The following MORC1 variants were observed in gnomAD, a reference collection of about 807,000 sequenced individuals.
MORC1 encodes MORC family CW-type zinc finger protein 1.
In MORC1, 59 loss-of-function variants were observed where a neutral mutation model predicts 134.9. That is an observed-to-expected ratio of 0.44 (90% CI 0.35 to 0.54). MORC1 has a LOEUF of 0.54. Among genes scored for constraint, MORC1 ranks in the 20% least tolerant of loss-of-function variants. The probability of loss-of-function intolerance (pLI) is 0.00; values close to 1 mark genes in which losing one functional copy is unlikely to be tolerated. For missense variants in MORC1, 947 were observed against 1,134.5 expected, an observed-to-expected ratio of 0.83 and a Z score of 2.37; for synonymous variants, 395 against 391.7, an observed-to-expected ratio of 1.01 and a Z score of -0.10.
At chr3:109,035,580 T>C (rs1949361728) in intron 14 of MORC1, 112 bp from the exon 15 acceptor site, 9 of 591,272 alleles carry the variant, frequency 1.5e-5, no homozygotes, top group Non-Finnish European at 1.4e-5. Flanking sequence ...TAAGTATTAA[T>C]ACATATACAG....
chr3:109,103,954 G>C, intron 3 of MORC1, 37 bp from the exon 4 acceptor site: 1 of 1,560,244 alleles, frequency 6.4e-7, no homozygotes, highest in Non-Finnish European at 8.8e-7. Context: ...TAAATATCGG[G>C]CTTAATTTGT....
At chr3:109,024,063 A>C (rs997482105) in intron 17 of MORC1, among the ~76,000 whole-genome samples, 1 of 152,234 alleles carries the variant, frequency 6.6e-6, no homozygotes, top group Non-Finnish European at 1.5e-5. Context: ...TTTAGTCTAT[A>C]AAATGCACCA....
intron 21 of MORC1, among the ~76,000 whole-genome samples, chr3:108,991,384 C>G (rs969012802): frequency 6.6e-6 from 1 of 152,124 alleles, no homozygotes; most frequent in Non-Finnish European, 1.5e-5. Flanking sequence ...GCAAGATTGC[C>G]TGATGGGTTG....
Position 108,996,286 on chromosome 3 carries a change from G to GCACACACACACACACACACACACACA in MORC1, c.2187+4270_2187+4271insTGTGTGTGTGTGTGTGTGTGTGTGTG, listed in dbSNP as rs66629906. On this transcript the variant is annotated intron_variant, in intron 21 of 27. Transcript: ENST00000232603. ...CATGTGCGCGTGCGTGCGCGCGCGCGCACACACACACACACACACACAACT... is the reference window on the plus strand; with the variant it reads ...CATGTGCGCGTGCGTGCGCGCGCGCGCACACACACACACACACACACACACACACACACACACACACACACACAACT... Among the ~76,000 whole-genome samples, 30 of 146,456 alleles carry GCACACACACACACACACACACACACA rather than the reference G, an allele frequency of 2.0e-4. 1 individual carries two copies. Among genetic ancestry groups the GCACACACACACACACACACACACACA allele is most frequent in the African/African-American group, 7.1e-4 (28 of 39,286 alleles).
At position 109,093,498 on chromosome 3, in the gene MORC1, T is replaced by C; in HGVS notation, c.627A>G (p.Gly209=). The C allele has an allele frequency of 6.2e-7, 1 of 1,613,860 alleles. No homozygotes were observed. Among genetic ancestry groups the C allele is most frequent in the Non-Finnish European group, 8.5e-7 (1 of 1,179,812 alleles). ...CAGTTTTAACATCCAACTCTGGTTCTCCATTAAGCAGAAGCTTCAAGTTAT... is the reference window on the plus strand; with the variant it reads ...CAGTTTTAACATCCAACTCTGGTTCCCCATTAAGCAGAAGCTTCAAGTTAT... ...VIYNLKLLLN[G]EPELDVKTDK... is the part of the protein sequence containing the mutation. Residue 209 remains glycine (G), a synonymous_variant, in exon 8 of 28, where the codon GGA becomes GGG. Coordinates refer to ENST00000232603, the MANE Select transcript of MORC1 (RefSeq NM_014429.4).
intron 18 of MORC1, among the ~76,000 whole-genome samples, chr3:109,006,504 TAAG>T (rs1382650544): frequency 1.3e-5 from 2 of 152,308 alleles, no homozygotes; most frequent in Middle Eastern, 3.4e-3. Context: ...GTCTGCCTGT[TAAG>T]AAATGTGAAT....
rs1032987873 is a variant in MORC1 at position 109,049,123 on chromosome 3, T to C, written c.1330+5605A>G. ...TTCTCACCTTTTAATATTTGCTTCA[T>C]CACTCGACGTGTATCCTTAGCAAAG... is the stretch of plus-strand genomic sequence containing the variant. On this transcript the variant is annotated intron_variant, in intron 14 of 27. Transcript: ENST00000232603. 3 of 983,126 alleles carry C rather than the reference T, an allele frequency of 3.1e-6. No individual in the cohort carries two copies. In the South Asian group the frequency reaches 1.4e-4, roughly 46 times the overall value. 60.9% of individuals were successfully genotyped at this position (983,126 alleles called of 1,614,324 possible).
intron 17 of MORC1, among the ~76,000 whole-genome samples, chr3:109,023,036 A>AAGATACTTTTCTAAGTAGGTAAATGAAGG (rs1948994957): frequency 2.1e-5 from 3 of 145,394 alleles, no homozygotes; most frequent in Non-Finnish European, 3.0e-5. Context: ...AGGTAAATGA[A>AAGATACTTTTCTAAGTAGGTAAATGAAGG]AGATACTTTT....
intron 5 of MORC1, 112 bp downstream of exon 5, chr3:109,100,303 CAA>C: frequency 1.2e-6 from 1 of 847,446 alleles, no homozygotes; most frequent in East Asian, 2.7e-5. Flanking sequence ...ACCCCTGCCT[CAA>C]GTTTATATAT....
intron 21 of MORC1, among the ~76,000 whole-genome samples, chr3:108,997,327 G>GT (rs1340576492): frequency 1.3e-5 from 2 of 152,130 alleles, no homozygotes; most frequent in African/African-American, 2.4e-5. Context: ...GAGGCCAGGA[G>GT]TTTGGGCCAG....
chr3:108,960,229 C>T (rs1000601047), intron 27 of MORC1, among the ~76,000 whole-genome samples: 2 of 152,184 alleles, frequency 1.3e-5, no homozygotes, highest in Non-Finnish European at 2.9e-5. Flanking sequence ...ATCGCCAACA[C>T]CACAGACATC....
chr3:108,961,974 G>A (rs1002389218), intron 27 of MORC1, among the ~76,000 whole-genome samples: 1 of 151,968 alleles, frequency 6.6e-6, no homozygotes, highest in Admixed American at 6.6e-5. Flanking sequence ...AACAATAATC[G>A]TCACTGAAAC....
intron 6 of MORC1, 82 bp from the exon 7 acceptor site, chr3:109,095,150 T>C: frequency 1.5e-6 from 2 of 1,299,664 alleles, no homozygotes; most frequent in South Asian, 1.5e-5. Flanking sequence ...CATTCCACTC[T>C]TCATCTAGAC....
intron 20 of MORC1, among the ~76,000 whole-genome samples, chr3:109,001,556 T>C (rs555548109): frequency 3.5e-4 from 53 of 152,344 alleles, no homozygotes; most frequent in African/African-American, 1.2e-3. Flanking sequence ...TTAGCCTTCG[T>C]GACAGTCTCT....
chr3:109,104,859 A>C (rs1426727043), intron 3 of MORC1, among the ~76,000 whole-genome samples: 1 of 106,726 alleles, frequency 9.4e-6, no homozygotes, highest in East Asian at 3.7e-4. Flanking sequence ...ACAATTTGAC[A>C]AATTTTAACA....
chr3:109,091,772 T>TA (rs891579365), intron 8 of MORC1, among the ~76,000 whole-genome samples: 1 of 151,832 alleles, frequency 6.6e-6, no homozygotes, highest in Non-Finnish European at 1.5e-5. Flanking sequence ...GTGATTAAAC[T>TA]AAAAAAAAAT....
intron 17 of MORC1, among the ~76,000 whole-genome samples, chr3:109,007,569 C>T (rs145917574): frequency 6.6e-6 from 1 of 152,298 alleles, no homozygotes; most frequent in African/African-American, 2.4e-5. Flanking sequence ...ATTTACTATT[C>T]CTCAGGCTTA....
intron 3 of MORC1, among the ~76,000 whole-genome samples, chr3:109,106,591 A>C (rs1951042784): frequency 6.6e-6 from 1 of 152,104 alleles, no homozygotes; most frequent in Admixed American, 6.6e-5. Context: ...CTGTTCAATA[A>C]ATGGCATCAC....
chr3:108,975,426 G>A (rs1947522099), intron 24 of MORC1, among the ~76,000 whole-genome samples: 1 of 152,022 alleles, frequency 6.6e-6, no homozygotes, highest in Admixed American at 6.6e-5. Context: ...ATAACAAAAA[G>A]CATGTTTATA....
Sources: gnomAD v4.1 joint callset for allele counts (sites outside exome capture counted in the v4.1 genomes callset) on GRCh38, gnomAD v4.1.1 for gene constraint, MANE v1.5 for transcripts, NCBI Gene and HGNC (gene_info 2026-07-23, HGNC 2026-07-21) for gene names.